The following HTR4 variants were observed in gnomAD, a reference collection of about 807,000 sequenced individuals.
HTR4 encodes 5-hydroxytryptamine (serotonin) receptor 4, G protein-coupled.
A neutral mutation model predicts 36.8 loss-of-function variants in HTR4; 16 were observed. The ratio of observed to expected loss-of-function variants is 0.43; its 90% CI spans 0.29 to 0.66. The LOEUF (loss-of-function observed/expected upper bound fraction) is 0.66, where lower values mean the gene tolerates loss of function less well. Ranked by LOEUF, HTR4 falls within the 30% of genes least tolerant of loss-of-function variation. HTR4 has a pLI of 0.13. For missense variants in HTR4, 438 were observed against 490.9 expected (o/e 0.89, Z 1.02); for synonymous variants, 189 against 185.1 (o/e 1.02, Z -0.17).
At position 148,605,119 on chromosome 5, in the gene HTR4, G is replaced by A. The variant is rs150255821; in HGVS notation, c.26+31870C>T. ...AGTACAGCTCGTGTTGGCTCAGCTG[G>A]TACCAGGGTCAACTGGAAGCAGGGA... On this transcript the variant is annotated intron_variant, in intron 2 of 6. Coordinates refer to ENST00000377888, the MANE Select transcript of HTR4 (RefSeq NM_000870.7). Among the ~76,000 whole-genome samples the A allele has an allele frequency of 1.4e-3, 217 of 152,232 alleles. 1 individual carries two copies. Among genetic ancestry groups the A allele is most frequent in the African/African-American group, 5.0e-3 (207 of 41,534 alleles).
At chr5:148,583,358 G>A (rs1232844495) in intron 2 of HTR4, among the ~76,000 whole-genome samples, 5 of 151,692 alleles carry the variant, frequency 3.3e-5, no homozygotes, top group African/African-American at 9.7e-5. Context: ...TGGGTGCAGC[G>A]CACTAGCATG....
At chr5:148,569,625 T>C (rs1760594946) in intron 2 of HTR4, among the ~76,000 whole-genome samples, 1 of 151,648 alleles carries the variant, frequency 6.6e-6, no homozygotes, top group Non-Finnish European at 1.5e-5. Flanking sequence ...ACAGAAGTTG[T>C]GCTATACTTA....
intron 2 of HTR4, among the ~76,000 whole-genome samples, chr5:148,600,617 C>G (rs1169322168): frequency 6.6e-6 from 1 of 151,296 alleles, no homozygotes; most frequent in African/African-American, 2.4e-5. Flanking sequence ...GAAAACAATC[C>G]CATTTACAAT....
At chr5:148,569,525 G>A (rs1012765553) in intron 2 of HTR4, among the ~76,000 whole-genome samples, 1 of 151,656 alleles carries the variant, frequency 6.6e-6, no homozygotes, top group South Asian at 2.1e-4. Context: ...TTTTTTAAAT[G>A]ACTTTTTAAA....
At chr5:148,544,255 CTT>C (rs1759259519) in intron 4 of HTR4, among the ~76,000 whole-genome samples, 1 of 151,372 alleles carries the variant, frequency 6.6e-6, no homozygotes, top group African/African-American at 2.4e-5. Context: ...ATCTCTCTCT[CTT>C]TCTTTCTCTC....
intron 2 of HTR4, among the ~76,000 whole-genome samples, chr5:148,625,438 A>G (rs1490315491): frequency 1.3e-5 from 2 of 152,252 alleles, no homozygotes; most frequent in African/African-American, 4.8e-5. Context: ...TAAAAAATAC[A>G]TGACTAATAG....
intron 5 of HTR4, chr5:148,521,020 G>C (rs1757988622): frequency 3.7e-6 from 5 of 1,366,074 alleles, no homozygotes; most frequent in Non-Finnish European, 4.9e-6. Context: ...AGAGGAAAGG[G>C]CAGCTCCCTG....
intron 2 of HTR4, among the ~76,000 whole-genome samples, chr5:148,576,083 C>T (rs1581497594): frequency 7.9e-6 from 1 of 127,256 alleles, no homozygotes; most frequent in East Asian, 2.3e-4. Flanking sequence ...TGCACTCCAG[C>T]CTGGGCGACA....
At chr5:148,465,466 G>A (rs967157386) in intron 5 of HTR4, among the ~76,000 whole-genome samples, 4 of 152,138 alleles carry the variant, frequency 2.6e-5, no homozygotes, top group Non-Finnish European at 4.4e-5. Context: ...TAAGAAGTAT[G>A]AAGGAGTCCA....
At position 148,614,194 on chromosome 5, in the gene HTR4, A is replaced by C. The variant is rs1303892373; in HGVS notation, c.26+22795T>G. On this transcript the variant is annotated intron_variant, in intron 2 of 6. Transcript: ENST00000377888. Reference sequence around the variant, plus strand: ...TGGAAAAAACTACTTTCAAGTTCATATGGAACCAAAAAAGAGCCTGCATTG... The same window carrying C: ...TGGAAAAAACTACTTTCAAGTTCATCTGGAACCAAAAAAGAGCCTGCATTG... Among the ~76,000 whole-genome samples, 28 of 152,292 alleles carry C rather than the reference A, an allele frequency of 1.8e-4. No homozygotes were observed. In the South Asian group the frequency reaches 5.8e-3, roughly 32 times the overall value.
Position 148,465,062 on chromosome 5 carries a change from G to A in HTR4, c.1077-13790C>T, listed in dbSNP as rs138896858. On this transcript the variant is annotated intron_variant, in intron 5 of 5. Transcript: ENST00000521530. ...ATAAAAAGATCAATTGTTGCCAGAG[G>A]TTGGGGTGGGGGAGGAGGAGGAAGA... Among the ~76,000 whole-genome samples the A allele has an allele frequency of 6.6e-4, 100 of 152,234 alleles. 1 individual carries two copies. The highest frequency in any genetic ancestry group is 2.3e-3 in the African/African-American group (97 of 41,548).
intron 2 of HTR4, among the ~76,000 whole-genome samples, chr5:148,606,286 T>C (rs1264875444): frequency 6.6e-6 from 1 of 152,074 alleles, no homozygotes; most frequent in Non-Finnish European, 1.5e-5. Context: ...TTTGAGGAAC[T>C]GTAGTTTACA....
At chr5:148,478,477 C>T (rs149464150), downstream of HTR4, among the ~76,000 whole-genome samples, 75 of 152,154 alleles carry the variant, frequency 4.9e-4, no homozygotes, top group African/African-American at 1.3e-3. Flanking sequence ...GATTTTCTAA[C>T]GGGGAGGTGT....
intron 2 of HTR4, among the ~76,000 whole-genome samples, chr5:148,606,962 C>T (rs1752190961): frequency 6.6e-6 from 1 of 152,124 alleles, no homozygotes; most frequent in South Asian, 2.1e-4. Flanking sequence ...TGTTTTATGT[C>T]CCTCTAACTT....
intron 6 of HTR4, among the ~76,000 whole-genome samples, chr5:148,504,760 GA>G (rs994378357): frequency 3.9e-5 from 6 of 152,088 alleles, no homozygotes; most frequent in African/African-American, 1.4e-4. Flanking sequence ...GACTAATAAA[GA>G]AGAAAAGAGA....
intron 6 of HTR4, among the ~76,000 whole-genome samples, chr5:148,498,207 C>T (rs966666313): frequency 1.3e-5 from 2 of 152,164 alleles, no homozygotes; most frequent in Admixed American, 1.3e-4. Flanking sequence ...ACCTATGATT[C>T]TAAACCATTG....
intron 2 of HTR4, among the ~76,000 whole-genome samples, chr5:148,583,357 C>T (rs542710927): frequency 3.3e-5 from 5 of 151,742 alleles, no homozygotes; most frequent in South Asian, 2.1e-4. Flanking sequence ...GTGGGTGCAG[C>T]GCACTAGCAT....
intron 2 of HTR4, among the ~76,000 whole-genome samples, chr5:148,588,613 T>A (rs1321930888): frequency 1.4e-5 from 2 of 143,320 alleles, no homozygotes; most frequent in Non-Finnish European, 3.0e-5. Context: ...CAATCTCGGC[T>A]CACTGCAAGC....
intron 2 of HTR4, among the ~76,000 whole-genome samples, chr5:148,583,212 G>A (rs1213300539): frequency 6.7e-6 from 1 of 148,842 alleles, no homozygotes; most frequent in Non-Finnish European, 1.5e-5. Flanking sequence ...TTTGTCTTTG[G>A]TTCTGTTTAT....
Sources: allele counts gnomAD v4.1 joint callset (sites outside exome capture counted in the v4.1 genomes callset), GRCh38; gene constraint gnomAD v4.1.1; transcripts MANE v1.5; gene names NCBI Gene and HGNC (gene_info 2026-07-23, HGNC 2026-07-21).